The following DDX49 variants were observed in gnomAD, a reference collection of about 807,000 sequenced individuals.
DDX49 encodes DEAD-box helicase 49.
A neutral mutation model predicts 56.3 loss-of-function variants in DDX49; 50 were observed. The observed-to-expected ratio is 0.89, with a 90% CI of 0.71 to 1.12. The LOEUF (loss-of-function observed/expected upper bound fraction) is 1.12, where lower values mean the gene tolerates loss of function less well. Ranked by LOEUF, DDX49 falls within the 50% of genes most tolerant of loss-of-function variation. The pLI, the probability that DDX49 is intolerant of heterozygous loss-of-function variation, is 0.00. For missense variants in DDX49, 614 were observed against 650.5 expected, an observed-to-expected ratio of 0.94 and a Z score of 0.61; for synonymous variants, 269 against 270.6, an observed-to-expected ratio of 0.99 and a Z score of 0.06.
Position 18,922,376 on chromosome 19 carries a change from C to A in DDX49, c.498C>A (p.Thr166=), listed in dbSNP as rs369820322. 13 of 1,611,896 alleles carry A rather than the reference C, an allele frequency of 8.1e-6. No individual in the cohort carries two copies. Among genetic ancestry groups the A allele is most frequent in the South Asian group, 2.2e-5 (2 of 90,814 alleles). ...RLLEQGCTDF[T]VDLEAILAAV... ...TGGAACAGGGCTGCACTGACTTCACCGTGGACCTGGAGGCCATCCTGGCGG... is the reference window on the plus strand; with the variant it reads ...TGGAACAGGGCTGCACTGACTTCACAGTGGACCTGGAGGCCATCCTGGCGG... Residue 166 remains threonine, a synonymous_variant, in exon 5 of 13, where the codon ACC becomes ACA. Coordinates refer to ENST00000247003, the MANE Select transcript of DDX49 (RefSeq NM_019070.5).
Position 18,928,033 on chromosome 19 carries a change from G to A in DDX49, c.1260G>A (p.Gly420=). The A allele has an allele frequency of 6.2e-7, 1 of 1,613,824 alleles. No homozygotes were observed. Among genetic ancestry groups the A allele is most frequent in the South Asian group, 1.1e-5 (1 of 91,078 alleles). ...INKRKQLILE[G]KDPDLEAKRK... ...AACGGAAGCAGCTGATCCTGGAGGG[G>A]AAGGTGAGGGCCGAGCCCGCAGGTA... The change falls in exon 12 of 13, where the codon GGG becomes GGA. Residue 420 remains glycine (G), a synonymous_variant. Transcript: ENST00000247003.
At chr19:18,923,378 C>G (rs2056934633) in intron 6 of DDX49, among the ~76,000 whole-genome samples, 1 of 152,072 alleles carries the variant, frequency 6.6e-6, no homozygotes, top group African/African-American at 2.4e-5. Context: ...AAAAATTAGC[C>G]AGGCATGGTG....
At chr19:18,924,384 T>G (rs2056944008) in intron 7 of DDX49, 76 bp downstream of exon 7, 15 of 1,469,840 alleles carry the variant, frequency 1.0e-5, no homozygotes, top group African/African-American at 1.4e-5. Flanking sequence ...CGATCCTTCC[T>G]TCTGCCGGGC....
chr19:18,922,588 A>G lies in DDX49; in HGVS notation c.636-16A>G, dbSNP rs527750702. ...CAGGGACACTGAGGCGTGGCGGTCT[A>G]TCTGTCCATCCCCAGGGTGAGCACC... is the stretch of plus-strand genomic sequence containing the variant. On this transcript the variant is annotated splice_polypyrimidine_tract_variant and intron_variant, in intron 5 of 12. Transcript: ENST00000247003. The G allele has an allele frequency of 8.7e-6, 14 of 1,606,572 alleles. No individual in the cohort carries two copies. Among genetic ancestry groups the G allele is most frequent in the Non-Finnish European group, 1.1e-5 (13 of 1,175,288 alleles).
chr19:18,926,192 C>T, intron 9 of DDX49, 111 bp from the exon 10 acceptor site: 1 of 1,156,464 alleles, frequency 8.6e-7, no homozygotes, highest in East Asian at 2.6e-5. Flanking sequence ...AAGCCCAAGC[C>T]CTTGTTCAGC....
Position 18,924,904 on chromosome 19 carries a change from C to G in DDX49, c.952C>G (p.Gln318Glu). The change falls in exon 9 of 13, where the codon CAG (glutamine) becomes GAG (glutamate). Residue 318 changes from glutamine (Q) to glutamate (E), a missense_variant. Gln to Glu is a conservative substitution (Grantham distance 29). Coordinates refer to ENST00000247003, the MANE Select transcript of DDX49 (RefSeq NM_019070.5). ...ASRGLDIPTV[Q>E]VVINHNTPGL... ...CAGGGGCCTGGACATCCCTACGGTA[C>G]AGGTGGTCATCAACCACAACACCCC... 2 of 1,613,138 alleles carry G rather than the reference C, an allele frequency of 1.2e-6. No individual in the cohort carries two copies. Among genetic ancestry groups the G allele is most frequent in the Non-Finnish European group, 1.7e-6 (2 of 1,180,014 alleles).
At position 18,927,989 on chromosome 19, in the gene DDX49, G is replaced by T. The variant is rs748598406; in HGVS notation, c.1216G>T (p.Glu406Ter). The T allele has an allele frequency of 1.2e-6, 2 of 1,613,784 alleles. No homozygotes were observed. The highest frequency in any genetic ancestry group is 1.3e-5 in the African/African-American group (1 of 74,930). ...GAAACTGGAGGCGGCCCACTTTGAC[G>T]AAAAGAAGGAGATCAACAAACGGAA... ...EIKLEAAHFD[E>*]KKEINKRKQL... Residue 406 changes from glutamate (E) to a stop codon, truncating the protein, a stop_gained, in exon 12 of 13, where the codon GAA becomes TAA. Transcript: ENST00000247003. LOFTEE classifies it low-confidence loss of function (END_TRUNC).
Position 18,927,733 on chromosome 19 carries a change from C to A in DDX49, c.1103-33C>A. The A allele has an allele frequency of 1.9e-6, 3 of 1,555,674 alleles. No homozygotes were observed. The South Asian group carries it at 3.3e-5, about 17-fold the overall frequency. Reference sequence around the variant, plus strand: ...TCCCTCTCCATGTCACGTCTCCTCCCCACCCCCACCCCCGGCTTTGCTGTC... The same window carrying A: ...TCCCTCTCCATGTCACGTCTCCTCCACACCCCCACCCCCGGCTTTGCTGTC... On this transcript the variant is annotated intron_variant, in intron 10 of 12. Transcript: ENST00000247003.
chr19:18,924,443 C>T, intron 7 of DDX49, 135 bp downstream of exon 7: 1 of 1,091,132 alleles, frequency 9.2e-7, no homozygotes, highest in Non-Finnish European at 1.4e-6. Flanking sequence ...TATCGCAGCT[C>T]AAGAGGCCCT....
In DDX49 at chr19:18,924,314, G is replaced by A. The variant is rs2056943039; in HGVS notation, c.852+6G>A. The A allele has an allele frequency of 6.2e-7, 1 of 1,608,956 alleles. No individual in the cohort carries two copies. Among genetic ancestry groups the A allele is most frequent in the Non-Finnish European group, 8.5e-7 (1 of 1,178,936 alleles). On this transcript the variant is annotated splice_donor_region_variant and intron_variant, in intron 7 of 12. Coordinates refer to ENST00000247003, the MANE Select transcript of DDX49 (RefSeq NM_019070.5). ...TGCACTCCATGATGAAGCAGGTGAG[G>A]CCACCCTGGGGCCCGCCAGCCTCAC...
rs761717045 is a variant in DDX49, at chr19:18,927,837, C to CGAAGA, written c.1177_1181dup (p.Cys395GlufsTer24). On this transcript the variant is annotated frameshift_variant, in exon 11 of 13. Coordinates refer to ENST00000247003, the MANE Select transcript of DDX49 (RefSeq NM_019070.5). LOFTEE classifies it high-confidence loss of function. ...GATCCTCACACAGGTCAACGTGGTG[C>CGAAGA]GAAGAGAGTGTGAGATCGTGAGTGT... is the stretch of plus-strand genomic sequence containing the variant. 4 of 1,613,810 alleles carry CGAAGA rather than the reference C, an allele frequency of 2.5e-6. No homozygotes were observed. In the African/African-American group the frequency reaches 5.3e-5, roughly 22 times the overall value.
intron 6 of DDX49, 46 bp from the exon 7 acceptor site, chr19:18,924,187 A>G: frequency 6.2e-7 from 1 of 1,602,052 alleles, no homozygotes; most frequent in Non-Finnish European, 8.6e-7. Flanking sequence ...ACACCTTCCC[A>G]GAACCTGAGA....
rs144506034 is a variant in DDX49, at chr19:18,924,010, G to C, written c.777-223G>C. ...TTTAGTACAGATGGGGTTTTGCCATGTTGGGCAGGCTGGTCTTGAACTCCT... is the reference window on the plus strand; with the variant it reads ...TTTAGTACAGATGGGGTTTTGCCATCTTGGGCAGGCTGGTCTTGAACTCCT... On this transcript the variant is annotated intron_variant, in intron 6 of 12. Transcript: ENST00000247003. Among the ~76,000 whole-genome samples the C allele has an allele frequency of 3.4e-3, 524 of 152,118 alleles. 3 individuals are homozygous for C. Among genetic ancestry groups the C allele is most frequent in the African/African-American group, 0.012 (502 of 41,492 alleles).
intron 10 of DDX49, among the ~76,000 whole-genome samples, chr19:18,926,902 G>A (rs892566630): frequency 8.6e-5 from 13 of 151,492 alleles, no homozygotes; most frequent in Non-Finnish European, 1.6e-4. Context: ...GTGAAACCCC[G>A]TCTCTACTAA....
At position 18,925,199 on chromosome 19, in the gene DDX49, G is replaced by GAAGAT. The variant is rs57818072; in HGVS notation, c.1027+220_1027+221insAAGAT. On this transcript the variant is annotated intron_variant, in intron 9 of 12. Transcript: ENST00000247003. ...ACTTGAACCCGGGAGGTTGCGGCAA[G>GAAGAT]CTGAGAATGCACTATTGCACCCCAG... The GAAGAT allele has an allele frequency of 1.2e-3, 689 of 590,642 alleles. 20 individuals carry two copies. The highest frequency in any genetic ancestry group is 1.9e-3 in the Non-Finnish European group (640 of 341,742). The allele number at this position is 590,642 out of a possible 1,614,324, so 36.6% of individuals were successfully genotyped here. A position where few individuals can be genotyped will look rare whatever the true frequency, so the allele number is the denominator to read the frequency against.
At chr19:18,920,760 A>G in intron 2 of DDX49, 57 bp downstream of exon 2, 1 of 1,533,086 alleles carries the variant, frequency 6.5e-7, no homozygotes, top group East Asian at 2.3e-5. Context: ...CTCTTGGGCA[A>G]GCACCTTTCC....
intron 2 of DDX49, 129 bp from the exon 3 acceptor site, chr19:18,921,534 G>A (rs1378921476): frequency 1.2e-6 from 1 of 854,448 alleles, no homozygotes; most frequent in East Asian, 2.5e-5. Flanking sequence ...CAGCATCAGA[G>A]CCTTTGTGAA....
Position 18,928,252 on chromosome 19 carries a change from G to A in DDX49, c.1388G>A (p.Gly463Glu), listed in dbSNP as rs1456609816. 1.9e-6 allele frequency: 3 copies of A among 1,588,664 alleles called. No individual in the cohort carries two copies. The highest frequency in any genetic ancestry group is 2.6e-6 in the Non-Finnish European group (3 of 1,167,816). ...AAGGCTGGCAGGGCTGGCCACAAGG[G>A]GCGTCCACCCAGGACACCGTCTGGG... Reference protein sequence around the residue: ...RQKAGRAGHKGRPPRTPSGSH... With the variant: ...RQKAGRAGHKERPPRTPSGSH... The change falls in exon 13 of 13, where the codon GGG becomes GAG. Residue 463 changes from glycine to glutamate, a missense_variant. Transcript: ENST00000247003.
chr19:18,924,509 G>A, intron 7 of DDX49, 114 bp from the exon 8 acceptor site: 2 of 1,267,552 alleles, frequency 1.6e-6, no homozygotes, highest in Non-Finnish European at 2.3e-6. Context: ...ACTTCTCATG[G>A]CCACCTTCCT....
Sources: gnomAD v4.1 joint callset for allele counts (sites outside exome capture counted in the v4.1 genomes callset) on GRCh38, gnomAD v4.1.1 for gene constraint, MANE v1.5 for transcripts, NCBI Gene and HGNC (gene_info 2026-07-23, HGNC 2026-07-21) for gene names.